Variants in HIVEP3 observed in about 807,000 individuals in gnomAD.
HIVEP3 encodes transcription factor HIVEP3.
A neutral mutation model predicts 152.8 loss-of-function variants in HIVEP3; 49 were observed. That is an observed-to-expected ratio of 0.32 (90% CI 0.26 to 0.41). The LOEUF (loss-of-function observed/expected upper bound fraction) is 0.41. Among genes scored for constraint, HIVEP3 ranks in the 10% least tolerant of loss-of-function variants. The pLI is 1.00. For synonymous variants in HIVEP3, 1,269 were observed against 1,289.0 expected, an observed-to-expected ratio of 0.98 and a Z score of 0.33; for missense variants, 2,790 against 3,103.3, an observed-to-expected ratio of 0.90 and a Z score of 2.40.
intron 3 of HIVEP3, among the ~76,000 whole-genome samples, chr1:41,602,244 A>G (rs770039875): frequency 1.3e-5 from 2 of 152,164 alleles, no homozygotes; most frequent in Non-Finnish European, 2.9e-5. Flanking sequence ...GTATCAGAGT[A>G]ATGCTAGCCT....
chr1:41,644,522 C>T (rs374828159), intron 2 of HIVEP3, among the ~76,000 whole-genome samples: 4 of 152,190 alleles, frequency 2.6e-5, no homozygotes, highest in East Asian at 1.9e-4. Flanking sequence ...TTAAAGGAAA[C>T]AAACAGAGAG....
In HIVEP3 at chr1:41,582,703, T is replaced by G. The variant is rs1438063760; in HGVS notation, c.2095A>C (p.Met699Leu). The G allele has an allele frequency of 1.9e-6, 3 of 1,614,134 alleles. No individual in the cohort carries two copies. The highest frequency in any genetic ancestry group is 3.3e-5 in the Admixed American group (2 of 60,024). Residue 699 changes from methionine to leucine, a missense_variant, in exon 4 of 9, where the codon ATG becomes CTG. Physicochemically the swap from Met to Leu is conservative, Grantham distance 15. Coordinates refer to ENST00000372583, the MANE Select transcript of HIVEP3 (RefSeq NM_024503.5). The surrounding 1 kb of genome is among the most constrained non-coding windows in gnomAD (Gnocchi z 4.7). ...QIEHEPWSQM[M>L]HYKLGTTLEL... Reference sequence around the variant, plus strand: ...AGGGTGGTTCCCAGTTTGTAATGCATCATTTGGGACCACGGCTCATGCTCA... The same window carrying G: ...AGGGTGGTTCCCAGTTTGTAATGCAGCATTTGGGACCACGGCTCATGCTCA...
intron 2 of HIVEP3, among the ~76,000 whole-genome samples, chr1:41,660,084 T>C (rs1223349430): frequency 3.9e-5 from 6 of 152,096 alleles, no homozygotes; most frequent in Admixed American, 3.9e-4. Flanking sequence ...GTGAACAGGA[T>C]GGCATGTGTG....
chr1:42,007,412 T>C (rs1645466201), intron 1 of HIVEP3, among the ~76,000 whole-genome samples: 1 of 152,198 alleles, frequency 6.6e-6, no homozygotes, highest in African/African-American at 2.4e-5. Flanking sequence ...GAAACAACAA[T>C]TGAATGGGGG....
At chr1:41,773,024 T>A (rs1648477345) in intron 1 of HIVEP3, among the ~76,000 whole-genome samples, 1 of 152,062 alleles carries the variant, frequency 6.6e-6, no homozygotes, top group Non-Finnish European at 1.5e-5. Flanking sequence ...TTTTATGGAG[T>A]TTACAGGAAA....
In HIVEP3 at chr1:41,562,532, C is replaced by CCCTTCCTT. The variant is rs60530597; in HGVS notation, c.5207+13004_5207+13011dup. Among the ~76,000 whole-genome samples the CCCTTCCTT allele has an allele frequency of 7.8e-3, 1,111 of 141,784 alleles. 10 individuals are homozygous for CCCTTCCTT. Among genetic ancestry groups the CCCTTCCTT allele is most frequent in the Non-Finnish European group, 0.011 (717 of 63,974 alleles). 93.0% of individuals were successfully genotyped at this position (141,784 alleles called of 152,430 possible). ...CTCTTTCTCCTTCCTCCCTTCCCTTCCCTTCCTTCCTTCCTTCCTTCCTTC... is the reference window on the plus strand; with the variant it reads ...CTCTTTCTCCTTCCTCCCTTCCCTTCCCTTCCTTCCTTCCTTCCTTCCTTCCTTCCTTC... On this transcript the variant is annotated intron_variant, in intron 5 of 8. Transcript: ENST00000372583.
intron 1 of HIVEP3, among the ~76,000 whole-genome samples, chr1:41,896,992 G>A (rs1156520748): frequency 6.6e-6 from 1 of 152,084 alleles, no homozygotes; most frequent in Non-Finnish European, 1.5e-5. Flanking sequence ...TGGAGCGCTC[G>A]TTAAAGAAAA....
chr1:41,895,258 T>C (rs2124445779), intron 1 of HIVEP3, among the ~76,000 whole-genome samples: 1 of 152,244 alleles, frequency 6.6e-6, no homozygotes, highest in Admixed American at 6.5e-5. Flanking sequence ...ATCCCACTCC[T>C]TTCCCCATGA....
intron 5 of HIVEP3, among the ~76,000 whole-genome samples, chr1:41,558,801 C>G (rs1319376545): frequency 6.6e-6 from 1 of 152,200 alleles, no homozygotes; most frequent in Non-Finnish European, 1.5e-5. Context: ...TTGGCCCAGT[C>G]TGCCAACTGC....
intron 3 of HIVEP3, among the ~76,000 whole-genome samples, chr1:41,615,362 C>G (rs1182633852): frequency 6.6e-6 from 1 of 152,266 alleles, no homozygotes; most frequent in Non-Finnish European, 1.5e-5. Context: ...TGCACTGGGG[C>G]TGCCCCCCAT....
Position 41,670,990 on chromosome 1 carries a change from G to A in HIVEP3, c.-721+29926C>T, listed in dbSNP as rs1025145708. Reference sequence around the variant, plus strand: ...AGCCAGAGGATGCCTGAATGGAGGTGGGAACGGTAGACAAAGAAGAGGTGG... The same window carrying A: ...AGCCAGAGGATGCCTGAATGGAGGTAGGAACGGTAGACAAAGAAGAGGTGG... On this transcript the variant is annotated intron_variant, in intron 2 of 8. Transcript: ENST00000372583. Among the ~76,000 whole-genome samples the A allele has an allele frequency of 4.6e-5, 7 of 152,164 alleles. No individual in the cohort carries two copies. The South Asian group carries it at 1.4e-3, about 31-fold the overall frequency.
chr1:42,035,910 G>T (rs1289151435), exon 1 of HIVEP3: 1 of 150,566 alleles, frequency 6.6e-6, no homozygotes, highest in African/African-American at 2.4e-5. Context: ...GCGAGGAGCC[G>T]TGGCGCGGCG....
At chr1:41,625,263 G>A (rs924478112) in intron 3 of HIVEP3, among the ~76,000 whole-genome samples, 4 of 150,526 alleles carry the variant, frequency 2.7e-5, no homozygotes, top group African/African-American at 9.8e-5. Flanking sequence ...TATTGCAGCT[G>A]ATAAAGCAAG....
chr1:41,840,860 A>C (rs2124368993), intron 1 of HIVEP3, among the ~76,000 whole-genome samples: 1 of 152,312 alleles, frequency 6.6e-6, no homozygotes, highest in East Asian at 1.9e-4. Context: ...GAGCACTCAA[A>C]TTCCATAACT....
intron 7 of HIVEP3, 132 bp from the exon 8 acceptor site, chr1:41,513,882 T>C (rs932331594): frequency 3.0e-6 from 2 of 662,874 alleles, no homozygotes; most frequent in African/African-American, 1.8e-5. Flanking sequence ...GGCACAAGAT[T>C]GTTGGGACAA....
At chr1:42,003,352 C>T (rs1645439456) in intron 1 of HIVEP3, among the ~76,000 whole-genome samples, 1 of 152,210 alleles carries the variant, frequency 6.6e-6, no homozygotes, top group Non-Finnish European at 1.5e-5. Flanking sequence ...GCTGGGATTA[C>T]AGGCGTGAGC....
chr1:41,622,089 C>A (rs2149142487), intron 3 of HIVEP3, among the ~76,000 whole-genome samples: 1 of 152,324 alleles, frequency 6.6e-6, no homozygotes, highest in East Asian at 1.9e-4. Context: ...TCTTGCAGAT[C>A]CTTGGGTTCA....
At chr1:41,723,211 T>C (rs570292746) in intron 1 of HIVEP3, among the ~76,000 whole-genome samples, 48 of 151,610 alleles carry the variant, frequency 3.2e-4, no homozygotes, top group African/African-American at 9.4e-4. Flanking sequence ...GCAGTAGGAG[T>C]GACAGGAAGG....
At chr1:41,831,728 G>A (rs1642970598) in intron 1 of HIVEP3, among the ~76,000 whole-genome samples, 1 of 152,212 alleles carries the variant, frequency 6.6e-6, no homozygotes, top group African/African-American at 2.4e-5. Context: ...GTGAACACTG[G>A]TTGAGGCTGC....
Sources: gnomAD v4.1 joint callset for allele counts (sites outside exome capture counted in the v4.1 genomes callset) on GRCh38, gnomAD v4.1.1 for gene constraint, Gnocchi (gnomAD v3.1) non-coding constraint, MANE v1.5 for transcripts, NCBI Gene and HGNC (gene_info 2026-07-23, HGNC 2026-07-21) for gene names.